CAMTA1: variants seen among roughly 807,000 people sequenced by gnomAD.
The protein encoded by CAMTA1 is calmodulin-binding transcription activator 1.
CAMTA1 carries 27 observed loss-of-function variants against 170.9 expected under a neutral mutation model. That is an observed-to-expected ratio of 0.16 (90% CI 0.12 to 0.22). CAMTA1 has a LOEUF of 0.22. Ranked by LOEUF, CAMTA1 falls within the 10% of genes least tolerant of loss-of-function variation. The pLI is 1.00. For missense variants in CAMTA1, 1,619 were observed against 2,217.2 expected (o/e 0.73, Z 5.42); for synonymous variants, 833 against 891.5 (o/e 0.93, Z 1.17).
At chr1:7,637,899 C>T (rs1311208311) in intron 6 of CAMTA1, among the ~76,000 whole-genome samples, 1 of 152,172 alleles carries the variant, frequency 6.6e-6, no homozygotes, top group African/African-American at 2.4e-5. Context: ...CAGGGATTAT[C>T]GTGATTATTA....
chr1:6,957,176 A>G (rs1365873329), intron 3 of CAMTA1, among the ~76,000 whole-genome samples: 1 of 152,200 alleles, frequency 6.6e-6, no homozygotes, highest in Non-Finnish European at 1.5e-5. Context: ...CTAAGGGGGA[A>G]GGATGCAACT....
rs536598229 is a variant in CAMTA1 at position 6,831,932 on chromosome 1, T to A, written c.234+6722T>A. Among the ~76,000 whole-genome samples the A allele has an allele frequency of 2.6e-4, 40 of 151,892 alleles. 1 individual carries two copies. Among genetic ancestry groups the A allele is most frequent in the African/African-American group, 7.5e-4 (31 of 41,506 alleles). On this transcript the variant is annotated intron_variant, in intron 3 of 22. Coordinates refer to ENST00000303635, the MANE Select transcript of CAMTA1 (RefSeq NM_015215.4). ...AAAACTTGAGTAATAATTATAATGCTTTTTATAGGAGGAAACTTACTCTTT... is the reference window on the plus strand; with the variant it reads ...AAAACTTGAGTAATAATTATAATGCATTTTATAGGAGGAAACTTACTCTTT...
chr1:7,280,706 C>T (rs1671384584), intron 5 of CAMTA1, among the ~76,000 whole-genome samples: 1 of 152,240 alleles, frequency 6.6e-6, no homozygotes. Flanking sequence ...GATTGTAATT[C>T]AAATTCCATT....
At chr1:7,232,097 G>A (rs1054208696) in intron 4 of CAMTA1, among the ~76,000 whole-genome samples, 5 of 152,204 alleles carry the variant, frequency 3.3e-5, no homozygotes, top group Non-Finnish European at 7.3e-5. Flanking sequence ...CAGAGAGAGC[G>A]GGGCCTGTTA....
At chr1:7,398,171 C>T (rs1298837198) in intron 5 of CAMTA1, among the ~76,000 whole-genome samples, 2 of 37,644 alleles carry the variant, frequency 5.3e-5, no homozygotes, top group Non-Finnish European at 9.8e-5. Flanking sequence ...CTCTCTCTCT[C>T]TCTCTCTCTC....
rs545301543 is a variant in CAMTA1, at chr1:7,737,294, G to T, written c.3382G>T (p.Val1128Leu). 3.1e-6 allele frequency: 5 copies of T among 1,614,120 alleles called. No homozygotes were observed. In the Admixed American group the frequency reaches 8.3e-5, roughly 27 times the overall value. Residue 1128 changes from valine to leucine, a missense_variant, in exon 15 of 23, where the codon GTG becomes TTG. Coordinates refer to ENST00000303635, the MANE Select transcript of CAMTA1 (RefSeq NM_015215.4). ...CALGHLEAAV[V>L]LYKWDRRAIS... ...CCTAGGGCACTTGGAAGCTGCCGTC[G>T]TGCTGTACAAGTGGGACCGTCGGGC...
chr1:7,248,249 C>T lies in CAMTA1; in HGVS notation c.303-1242C>T, dbSNP rs753644410. 1.3e-5 allele frequency among the ~76,000 whole-genome samples: 2 copies of T among 152,148 alleles called. No individual in the cohort carries two copies. Among genetic ancestry groups the T allele is most frequent in the East Asian group, 1.9e-4 (1 of 5,190 alleles). ...GTTCGTAGCAAGAAGAAAAGAAAGG[C>T]GCTGGAGGGTCTTGCCCCAGCCCTG... On this transcript the variant is annotated intron_variant, in intron 4 of 22. Coordinates refer to ENST00000303635, the MANE Select transcript of CAMTA1 (RefSeq NM_015215.4). This position sits in a 1 kb window ranked among gnomAD's most constrained non-coding sequence, Gnocchi z 4.0.
chr1:6,876,153 A>T (rs1426917118), intron 3 of CAMTA1, among the ~76,000 whole-genome samples: 3 of 149,660 alleles, frequency 2.0e-5, no homozygotes, highest in African/African-American at 7.4e-5. Flanking sequence ...TTGTTCTTTC[A>T]TTTTTTTTTC....
intron 4 of CAMTA1, among the ~76,000 whole-genome samples, chr1:7,242,655 G>A (rs931337519): frequency 2.6e-5 from 4 of 152,176 alleles, no homozygotes; most frequent in South Asian, 4.2e-4. Flanking sequence ...TCAGCCAGGC[G>A]TGGTGGCTCA....
At chr1:7,400,638 G>C (rs2089823425) in intron 5 of CAMTA1, among the ~76,000 whole-genome samples, 1 of 152,168 alleles carries the variant, frequency 6.6e-6, no homozygotes, top group Non-Finnish European at 1.5e-5. Flanking sequence ...CTTTCATAGG[G>C]AAAGACTTTC....
chr1:7,545,779 A>G (rs1406277105), intron 6 of CAMTA1, among the ~76,000 whole-genome samples: 1 of 152,038 alleles, frequency 6.6e-6, no homozygotes, highest in Non-Finnish European at 1.5e-5. Flanking sequence ...TACACAGATC[A>G]ACCCATCATT....
Position 7,251,192 on chromosome 1 carries a change from G to A in CAMTA1, c.438+1566G>A, listed in dbSNP as rs938957569. On this transcript the variant is annotated intron_variant, in intron 5 of 22. Coordinates refer to ENST00000303635, the MANE Select transcript of CAMTA1 (RefSeq NM_015215.4). The surrounding 1 kb of genome is among the most constrained non-coding windows in gnomAD (Gnocchi z 5.1). ...GTACATCAGGAACTTCTGCTCGTGA[G>A]TAACAGCCGGGTGGAATTCTTCCTC... Among the ~76,000 whole-genome samples the A allele has an allele frequency of 6.6e-6, 1 of 152,168 alleles. No homozygotes were observed. The highest frequency in any genetic ancestry group is 1.5e-5 in the Non-Finnish European group (1 of 68,030).
chr1:7,621,688 T>C (rs1000796138), intron 6 of CAMTA1, among the ~76,000 whole-genome samples: 4 of 152,212 alleles, frequency 2.6e-5, no homozygotes, highest in African/African-American at 9.6e-5. Flanking sequence ...ACAAGGGGGC[T>C]GGTGAGGTGC....
intron 5 of CAMTA1, among the ~76,000 whole-genome samples, chr1:7,345,435 C>T (rs1406002801): frequency 6.6e-6 from 1 of 152,236 alleles, no homozygotes; most frequent in Non-Finnish European, 1.5e-5. Flanking sequence ...GTGCTGCCAA[C>T]TCCTTTCCCA....
intron 6 of CAMTA1, among the ~76,000 whole-genome samples, chr1:7,611,232 CTG>C (rs1278076220): frequency 6.6e-6 from 1 of 152,188 alleles, no homozygotes; most frequent in Non-Finnish European, 1.5e-5. Flanking sequence ...GCTGCTGAGT[CTG>C]TGTTTATTTA....
At chr1:7,312,459 G>A (rs1274136247) in intron 5 of CAMTA1, among the ~76,000 whole-genome samples, 1 of 152,214 alleles carries the variant, frequency 6.6e-6, no homozygotes, top group African/African-American at 2.4e-5. Flanking sequence ...ACTCAGGGAT[G>A]AAGGAGGAAT....
At chr1:7,211,624 A>T (rs888321490) in intron 4 of CAMTA1, among the ~76,000 whole-genome samples, 5 of 152,184 alleles carry the variant, frequency 3.3e-5, no homozygotes, top group Non-Finnish European at 7.4e-5. Context: ...TTTCTGGTCC[A>T]GCAAAATGTC....
rs193094803 is a variant in CAMTA1, at chr1:6,880,670, C to T, written c.234+55460C>T. Among the ~76,000 whole-genome samples, 68 of 152,190 alleles carry T rather than the reference C, an allele frequency of 4.5e-4. 1 individual carries two copies. Among genetic ancestry groups the T allele is most frequent in the Non-Finnish European group, 2.5e-4 (17 of 68,002 alleles). The stretch of plus-strand genomic sequence containing the variant: ...CTCCCAGAGTGCTGGGATTACAGGC[C>T]TGAGCCATTATGTCCGGCCTCTAAC... On this transcript the variant is annotated intron_variant, in intron 3 of 22. Transcript: ENST00000303635.
At chr1:7,212,279 G>A (rs1658913972) in intron 4 of CAMTA1, among the ~76,000 whole-genome samples, 2 of 151,732 alleles carry the variant, frequency 1.3e-5, no homozygotes, top group Admixed American at 6.6e-5. Context: ...CATCCTTGTT[G>A]ATTTTTTTAA....
Sources: allele counts gnomAD v4.1 joint callset (sites outside exome capture counted in the v4.1 genomes callset), GRCh38; gene constraint gnomAD v4.1.1; non-coding constraint Gnocchi (gnomAD v3.1); transcripts MANE v1.5; gene names NCBI Gene and HGNC (gene_info 2026-07-23, HGNC 2026-07-21).